PFKL: variants seen among roughly 807,000 people sequenced by gnomAD.
The protein encoded by PFKL is ATP-dependent 6-phosphofructokinase, liver type.
In PFKL, 74 loss-of-function variants were observed where a neutral mutation model predicts 92.1. That is an observed-to-expected ratio of 0.80 (90% CI 0.67 to 0.97). PFKL has a LOEUF of 0.97. Among genes scored for constraint, PFKL ranks in the 50% least tolerant of loss-of-function variants. The pLI is 0.00. For synonymous variants in PFKL, 494 were observed against 456.4 expected (o/e 1.08, Z -1.05); for missense variants, 1,028 against 1,116.6 (o/e 0.92, Z 1.13).
chr21:44,320,295 C>T, intron 12 of PFKL, 148 bp downstream of exon 12: 2 of 598,746 alleles, frequency 3.3e-6, no homozygotes, highest in Non-Finnish European at 2.9e-6. Context: ...GGCCTGACCT[C>T]TGCCTGGGCT....
In PFKL at chr21:44,327,237, C is replaced by T. The variant is rs1376031840; in HGVS notation, c.*375C>T. 7.4e-6 allele frequency: 2 copies of T among 270,816 alleles called. No individual in the cohort carries two copies. Among genetic ancestry groups the T allele is most frequent in the African/African-American group, 2.1e-5 (1 of 46,630 alleles). The allele number at this position is 270,816 out of a possible 1,614,324, so 16.8% of individuals were successfully genotyped here. ...CTTGCTCTACCTGGCCGGTAGGCTG[C>T]TGGCGCCTAGGTTGTGTTGAGAGGG... On this transcript the variant is annotated 3_prime_UTR_variant, in exon 22 of 22. Transcript: ENST00000349048.
chr21:44,301,142 T>C (rs894201393), intron 1 of PFKL, among the ~76,000 whole-genome samples: 4 of 152,178 alleles, frequency 2.6e-5, no homozygotes, highest in Non-Finnish European at 5.9e-5. Context: ...ACCCTCCTTT[T>C]CCCTATCTGG....
chr21:44,325,701 G>A (rs924696205), intron 19 of PFKL: 3 of 536,800 alleles, frequency 5.6e-6, no homozygotes, highest in Non-Finnish European at 1.0e-5. Flanking sequence ...GGCTGCCGAT[G>A]CAGGGCCCAG....
chr21:44,320,014 C>CA lies in PFKL; in HGVS notation c.1128-69dup, dbSNP rs1370174083. The CA allele has an allele frequency of 2.1e-6, 3 of 1,427,476 alleles. No individual in the cohort carries two copies. The East Asian group carries it at 6.9e-5, about 33-fold the overall frequency. The allele number at this position is 1,427,476 out of a possible 1,614,324, so 88.4% of individuals were successfully genotyped here. ...CTGTGACCAGCCTCCTGGGCTCTGT[C>CA]ACGGCTGCGCTGTGGCTGTACGCCG... On this transcript the variant is annotated intron_variant, in intron 11 of 21. Coordinates refer to ENST00000349048, the MANE Select transcript of PFKL (RefSeq NM_002626.6).
chr21:44,313,420 G>A (rs2047112534), intron 5 of PFKL, among the ~76,000 whole-genome samples: 1 of 152,210 alleles, frequency 6.6e-6, no homozygotes. Context: ...CCAGGCCTGG[G>A]CTTGGCAAAT....
intron 15 of PFKL, 99 bp downstream of exon 15, chr21:44,323,148 G>T: frequency 3.0e-6 from 3 of 1,005,720 alleles, no homozygotes; most frequent in Non-Finnish European, 4.7e-6. Flanking sequence ...TGCTGGCTGG[G>T]CCGATGCAGG....
At chr21:44,313,243 C>A in intron 5 of PFKL, 100 bp downstream of exon 5, 1 of 1,335,156 alleles carries the variant, frequency 7.5e-7, no homozygotes, top group Non-Finnish European at 1.0e-6. Context: ...GCAGTGGACT[C>A]TGGTAGCCCC....
rs2047195409 is a variant in PFKL at position 44,316,058 on chromosome 21, T to TA, written c.748-185dup. On this transcript the variant is annotated intron_variant, in intron 7 of 21. Coordinates refer to ENST00000349048, the MANE Select transcript of PFKL (RefSeq NM_002626.6). ...CCGCCTCCAGGAGGGCGGGGCGTCC[T>TA]AGTGGGCCCAGCCTCATCTCTGCCC... 109 of 610,414 alleles carry TA rather than the reference T, an allele frequency of 1.8e-4. No homozygotes were observed. In the South Asian group the frequency reaches 2.0e-3, roughly 11 times the overall value. 37.8% of individuals were successfully genotyped at this position (610,414 alleles called of 1,614,324 possible).
chr21:44,315,988 C>G (rs2047193227), intron 7 of PFKL: 2 of 529,178 alleles, frequency 3.8e-6, no homozygotes, highest in South Asian at 2.1e-5. Flanking sequence ...CCCCCTTCCT[C>G]CCCTGCTGCC....
At position 44,319,928 on chromosome 21, in the gene PFKL, GC is replaced by G; in HGVS notation, c.1128-153del. 7 of 655,840 alleles carry G rather than the reference GC, an allele frequency of 1.1e-5. No individual in the cohort carries two copies. The South Asian group carries it at 1.2e-4, about 11-fold the overall frequency. 40.6% of individuals were successfully genotyped at this position (655,840 alleles called of 1,614,324 possible). On this transcript the variant is annotated intron_variant, in intron 11 of 21. Transcript: ENST00000349048. ...GGGTCTCGCACCTTCTGTGGAAGGT[GC>G]CCTGCCTGGCATGCGCGGTGTCTGC...
chr21:44,314,343 G>A lies in PFKL; in HGVS notation c.747+322G>A, dbSNP rs1453688648. On this transcript the variant is annotated intron_variant, in intron 7 of 21. Coordinates refer to ENST00000349048, the MANE Select transcript of PFKL (RefSeq NM_002626.6). ...GTGGGACTGCTGAGCCTGGGGCGGT[G>A]GGAGGTGGTTGGTTGTGAGGGAGTG... 9.1e-6 allele frequency: 3 copies of A among 329,016 alleles called. No individual in the cohort carries two copies. The South Asian group carries it at 1.3e-4, about 15-fold the overall frequency. The allele number at this position is 329,016 out of a possible 1,614,324, so 20.4% of individuals were successfully genotyped here. A position where few individuals can be genotyped will look rare whatever the true frequency, so the allele number is the denominator to read the frequency against.
In PFKL at chr21:44,312,215, C is replaced by T. The variant is rs374990470; in HGVS notation, c.348C>T (p.Ile116=). ...ACGGCATCACCAACCTGTGCGTCAT[C>T]GGCGGGGATGGCAGCCTCACAGGTG... ...VQHGITNLCV[I]GGDGSLTGAN... is the part of the protein sequence containing the mutation. The change falls in exon 4 of 22, where the codon ATC becomes ATT. Residue 116 remains isoleucine (I), a synonymous_variant. Transcript: ENST00000349048. 29 of 1,600,214 alleles carry T rather than the reference C, an allele frequency of 1.8e-5. No individual in the cohort carries two copies. The highest frequency in any genetic ancestry group is 3.4e-5 in the South Asian group (3 of 89,282).
rs2040950400 is a variant in PFKL at position 44,306,590 on chromosome 21, C to A, written c.86-91C>A. ...CTCTGAGATGGACAGGGTGTCCAGG[C>A]CTCCCCTACCCCCTGTCCTCTGAGA... On this transcript the variant is annotated intron_variant, in intron 1 of 21. Transcript: ENST00000349048. 7 of 1,137,160 alleles carry A rather than the reference C, an allele frequency of 6.2e-6. 1 individual carries two copies. The highest frequency in any genetic ancestry group is 9.0e-6 in the Non-Finnish European group (7 of 777,216). The allele number at this position is 1,137,160 out of a possible 1,614,324, so 70.4% of individuals were successfully genotyped here. A position where few individuals can be genotyped will look rare whatever the true frequency, so the allele number is the denominator to read the frequency against.
At chr21:44,316,142 G>A (rs1465088375) in intron 7 of PFKL, 102 bp from the exon 8 acceptor site, 1 of 1,034,582 alleles carries the variant, frequency 9.7e-7, no homozygotes, top group African/African-American at 1.6e-5. Flanking sequence ...GCCCATGTGG[G>A]TTGGGAATGG....
intron 11 of PFKL, 190 bp downstream of exon 11, chr21:44,319,605 C>G (rs1018159148): frequency 3.3e-6 from 2 of 607,202 alleles, no homozygotes; most frequent in Non-Finnish European, 5.9e-6. Flanking sequence ...CACAGGAGAC[C>G]CTGGGCGGTG....
chr21:44,325,330 C>T, intron 19 of PFKL, 66 bp downstream of exon 19: 1 of 1,131,062 alleles, frequency 8.8e-7, no homozygotes, highest in Non-Finnish European at 1.3e-6. Flanking sequence ...GTCCCCGGCC[C>T]CAGGGGTCCC....
Position 44,315,864 on chromosome 21 carries a change from C to T in PFKL, c.748-380C>T, listed in dbSNP as rs1014200015. 7.0e-6 allele frequency: 2 copies of T among 285,776 alleles called. 1 individual carries two copies. Among genetic ancestry groups the T allele is most frequent in the South Asian group, 7.3e-5 (2 of 27,582 alleles). 17.7% of individuals were successfully genotyped at this position (285,776 alleles called of 1,614,324 possible). A position where few individuals can be genotyped will look rare whatever the true frequency, so the allele number is the denominator to read the frequency against. On this transcript the variant is annotated intron_variant, in intron 7 of 21. Coordinates refer to ENST00000349048, the MANE Select transcript of PFKL (RefSeq NM_002626.6). The stretch of plus-strand genomic sequence containing the variant: ...TGGCCCAGGCTAGCCCGGGCAGGCC[C>T]CTCTGCCCTGTGCCCCGTGGAGCTG...
rs1188777733 is a variant in PFKL, at chr21:44,326,707, C to T, written c.2196-8C>T. 4 of 1,611,404 alleles carry T rather than the reference C, an allele frequency of 2.5e-6. No homozygotes were observed. Among genetic ancestry groups the T allele is most frequent in the Non-Finnish European group, 8.5e-7 (1 of 1,179,350 alleles). On this transcript the variant is annotated splice_region_variant and splice_polypyrimidine_tract_variant and intron_variant, in intron 21 of 21. Coordinates refer to ENST00000349048, the MANE Select transcript of PFKL (RefSeq NM_002626.6). ...TCCCCATCATCCTCCCATCCCCGTC[C>T]TGCACAGGCACCGCATGCCACGGGA...
At chr21:44,310,919 G>A in intron 2 of PFKL, 87 bp from the exon 3 acceptor site, 1 of 903,022 alleles carries the variant, frequency 1.1e-6, no homozygotes, top group Non-Finnish European at 1.8e-6. Context: ...GCTTTCTGCT[G>A]GTGGGGTGAA....
Sources: gnomAD v4.1 joint callset for allele counts (sites outside exome capture counted in the v4.1 genomes callset) on GRCh38, gnomAD v4.1.1 for gene constraint, MANE v1.5 for transcripts, NCBI Gene and HGNC (gene_info 2026-07-23, HGNC 2026-07-21) for gene names.